The following CTBP2 variants were observed in gnomAD, a reference collection of about 807,000 sequenced individuals.
The protein encoded by CTBP2 is C-terminal-binding protein 2.
CTBP2 carries 30 observed loss-of-function variants against 80.3 expected under a neutral mutation model. The observed-to-expected ratio is 0.37, with a 90% CI of 0.28 to 0.51. The LOEUF (loss-of-function observed/expected upper bound fraction) is 0.51. CTBP2 is among the 20% of genes least tolerant of loss of function. The probability of loss-of-function intolerance (pLI) is 0.93; values close to 1 mark genes in which losing one functional copy is unlikely to be tolerated. For missense variants in CTBP2, 1,212 were observed against 1,375.3 expected (o/e 0.88, Z 1.88); for synonymous variants, 594 against 587.4 (o/e 1.01, Z -0.16).
At chr10:125,079,651 G>A (rs1846875360) in intron 2 of CTBP2, among the ~76,000 whole-genome samples, 1 of 152,218 alleles carries the variant, frequency 6.6e-6, no homozygotes, top group East Asian at 1.9e-4. Flanking sequence ...CTCCTGTAAT[G>A]TCCCAATATG....
At chr10:125,013,580 A>G (rs1020613113) in intron 1 of CTBP2, among the ~76,000 whole-genome samples, 1 of 152,182 alleles carries the variant, frequency 6.6e-6, no homozygotes, top group African/African-American at 2.4e-5. Flanking sequence ...CATCATGACC[A>G]TGGAATACAG....
At chr10:125,076,838 G>C (rs1463049168) in intron 2 of CTBP2, among the ~76,000 whole-genome samples, 2 of 152,190 alleles carry the variant, frequency 1.3e-5, no homozygotes, top group Non-Finnish European at 2.9e-5. Context: ...TCCCTGGAGA[G>C]TTTAAATGTC....
At chr10:125,016,264 G>A (rs757673622) in intron 1 of CTBP2, among the ~76,000 whole-genome samples, 21 of 151,800 alleles carry the variant, frequency 1.4e-4, no homozygotes, top group Non-Finnish European at 2.8e-4. Context: ...AACCTGCAGC[G>A]AGCCGAGTGC....
intron 2 of CTBP2, among the ~76,000 whole-genome samples, chr10:125,070,158 T>C (rs1590516573): frequency 6.6e-6 from 1 of 152,110 alleles, no homozygotes; most frequent in Non-Finnish European, 1.5e-5. Context: ...TACACCACCC[T>C]GGCTAACAAG....
At chr10:124,994,705 AG>A (rs1209024704) in intron 4 of CTBP2, 22 bp from the exon 7 acceptor site, 6 of 1,612,462 alleles carry the variant, frequency 3.7e-6, no homozygotes, top group Non-Finnish European at 5.1e-6. Flanking sequence ...CAGAGCGTCC[AG>A]GTGAGTGAGT....
In CTBP2 at chr10:125,157,393, TAA is replaced by T. The variant is rs11355614; in HGVS notation, c.-206+2924_-206+2925del. Among the ~76,000 whole-genome samples, 576 of 112,524 alleles carry T rather than the reference TAA, an allele frequency of 5.1e-3. 2 individuals are homozygous for T. Among genetic ancestry groups the T allele is most frequent in the African/African-American group, 0.013 (379 of 29,776 alleles). 73.8% of individuals were successfully genotyped at this position (112,524 alleles called of 152,430 possible). ...AGAGAGGGGGTTGTCAGGTGGGGGT[TAA>T]AAAAAAAAAAAGAGCGGGGGGGAGT... On this transcript the variant is annotated intron_variant, in intron 1 of 10. Transcript: ENST00000337195.
At chr10:125,147,078 G>A (rs145977425) in intron 1 of CTBP2, among the ~76,000 whole-genome samples, 23 of 152,332 alleles carry the variant, frequency 1.5e-4, no homozygotes, top group African/African-American at 5.0e-4. Flanking sequence ...GTCACTGACC[G>A]GCAAACGCAC....
chr10:125,023,950 T>A (rs1159306862), intron 1 of CTBP2, among the ~76,000 whole-genome samples: 1 of 152,116 alleles, frequency 6.6e-6, no homozygotes, highest in African/African-American at 2.4e-5. Context: ...AGCACTTGAG[T>A]TAGGCGGCAC....
rs779969940 is a variant in CTBP2 at position 125,026,456 on chromosome 10, G to A, written c.1304C>T (p.Ser435Phe). 2.8e-5 allele frequency: 45 copies of A among 1,600,372 alleles called. No individual in the cohort carries two copies. The highest frequency in any genetic ancestry group is 3.8e-5 in the Non-Finnish European group (45 of 1,170,602). Residue 435 changes from serine (S) to phenylalanine (F), a missense_variant, in exon 1 of 9, where the codon TCC becomes TTC. Around this residue, in one of 3 missense-constraint regions of CTBP2, gnomAD observed 848 missense variants for 782.3 expected, o/e 1.08. Transcript: ENST00000309035. Reference sequence around the variant, plus strand: ...GGTGGGAGAGCTGTACCCGGAGTTGGAGGGGAAGTGTGGGGCATGGGTGCC... The same window carrying A: ...GGTGGGAGAGCTGTACCCGGAGTTGAAGGGGAAGTGTGGGGCATGGGTGCC...
chr10:125,082,376 G>C (rs939224831), intron 2 of CTBP2, among the ~76,000 whole-genome samples: 13 of 152,122 alleles, frequency 8.5e-5, no homozygotes, highest in Middle Eastern at 3.2e-3. Context: ...CCTCTCTCTG[G>C]AGAAGACAAA....
chr10:125,067,350 AAAAAGG>A (rs758469268), intron 2 of CTBP2, among the ~76,000 whole-genome samples: 47 of 152,354 alleles, frequency 3.1e-4, no homozygotes, highest in Middle Eastern at 3.4e-3. Context: ...TCTGGGATGG[AAAAAGG>A]ATATCAGATC....
intron 2 of CTBP2, among the ~76,000 whole-genome samples, chr10:125,094,436 C>T (rs182212334): frequency 6.6e-6 from 1 of 152,308 alleles, no homozygotes; most frequent in East Asian, 1.9e-4. Context: ...AGAACACAGC[C>T]CAAGGAAGCA....
intron 2 of CTBP2, among the ~76,000 whole-genome samples, chr10:125,098,472 T>C (rs535795096): frequency 3.8e-4 from 58 of 152,134 alleles, no homozygotes; most frequent in African/African-American, 1.4e-3. Context: ...TTGGTTGATG[T>C]GTGTTTAACA....
At chr10:125,036,664 A>AG (rs150632552) in intron 3 of CTBP2, among the ~76,000 whole-genome samples, 3 of 133,914 alleles carry the variant, frequency 2.2e-5, no homozygotes, top group East Asian at 4.3e-4. Context: ...TCAAAGCTAG[A>AG]GGGGGTGTGT....
intron 2 of CTBP2, among the ~76,000 whole-genome samples, chr10:125,072,698 A>G (rs1188926626): frequency 1.3e-5 from 2 of 151,374 alleles, no homozygotes; most frequent in African/African-American, 4.9e-5. Context: ...ACAGATGCCA[A>G]TTGCTTGGGG....
At chr10:125,061,477 G>C (rs1197659898) in intron 2 of CTBP2, among the ~76,000 whole-genome samples, 3 of 152,198 alleles carry the variant, frequency 2.0e-5, no homozygotes, top group Non-Finnish European at 2.9e-5. Context: ...TGCAGCGCCA[G>C]GAACAGGACC....
At chr10:124,991,575 G>T (rs1952622423) in intron 8 of CTBP2, among the ~76,000 whole-genome samples, 1 of 152,090 alleles carries the variant, frequency 6.6e-6, no homozygotes, top group Non-Finnish European at 1.5e-5. Context: ...CAAACTGAAT[G>T]CACCCTGGTC....
In CTBP2 at chr10:124,993,149, G is replaced by A. The variant is rs1952936129; in HGVS notation, c.2659+53C>T. 2.6e-6 allele frequency: 4 copies of A among 1,567,422 alleles called. No individual in the cohort carries two copies. The Admixed American group carries it at 5.4e-5, about 21-fold the overall frequency. On this transcript the variant is annotated intron_variant, in intron 7 of 8. Coordinates refer to ENST00000309035, the MANE Select transcript of CTBP2 (RefSeq NM_022802.3). Reference sequence around the variant, plus strand: ...GTAGCCAGCAGGACAGGAGCCGGCTGCACTGTGGAGCTGAGGCTGCCCTTG... The same window carrying A: ...GTAGCCAGCAGGACAGGAGCCGGCTACACTGTGGAGCTGAGGCTGCCCTTG...
chr10:125,135,184 C>G (rs957334906), intron 1 of CTBP2, among the ~76,000 whole-genome samples: 13 of 152,254 alleles, frequency 8.5e-5, no homozygotes, highest in Admixed American at 8.5e-4. Flanking sequence ...CTGACTCTGC[C>G]TTCTACAAAA....
Sources: allele counts gnomAD v4.1 joint callset (sites outside exome capture counted in the v4.1 genomes callset), GRCh38; gene constraint gnomAD v4.1.1; regional missense constraint gnomAD v4.1.1; transcripts MANE v1.5; gene names NCBI Gene and HGNC (gene_info 2026-07-23, HGNC 2026-07-21).